The following FERMT2 variants were observed in gnomAD, a reference collection of about 807,000 sequenced individuals.
FERMT2 encodes the protein fermitin family homolog 2.
FERMT2 carries 15 observed loss-of-function variants against 82.7 expected under a neutral mutation model. The ratio of observed to expected loss-of-function variants is 0.18; its 90% CI spans 0.12 to 0.28. FERMT2 has a LOEUF of 0.28. Ranked by LOEUF, FERMT2 falls within the 10% of genes least tolerant of loss-of-function variation. FERMT2 has a pLI of 1.00. For synonymous variants in FERMT2, 274 were observed against 271.5 expected (o/e 1.01, Z -0.09); for missense variants, 645 against 809.4 (o/e 0.80, Z 2.46).
chr14:52,858,791 G>T (rs545019827), intron 14 of FERMT2: 166 of 399,418 alleles, frequency 4.2e-4, no homozygotes, highest in African/African-American at 3.1e-3. Flanking sequence ...GAATGCAAGG[G>T]TTTTAGGTCG....
chr14:52,884,900 G>A (rs980951967), intron 4 of FERMT2, among the ~76,000 whole-genome samples: 1 of 152,060 alleles, frequency 6.6e-6, no homozygotes, highest in East Asian at 1.9e-4. Flanking sequence ...TACTTGGGAG[G>A]CTGAGACAGG....
chr14:52,859,542 C>T (rs202196410), intron 14 of FERMT2, 31 bp downstream of exon 14: 122 of 1,560,316 alleles, frequency 7.8e-5, no homozygotes, highest in Non-Finnish European at 1.0e-4. Context: ...CAGAGAAGGA[C>T]TATATTCAAG....
chr14:52,948,788 T>A (rs2139720238), intron 2 of FERMT2, among the ~76,000 whole-genome samples: 1 of 152,340 alleles, frequency 6.6e-6, no homozygotes, highest in Admixed American at 6.5e-5. Context: ...ACAAGTTGTC[T>A]CAGTCACCTT....
chr14:52,895,860 C>T (rs1338839977), intron 3 of FERMT2, among the ~76,000 whole-genome samples: 2 of 152,086 alleles, frequency 1.3e-5, no homozygotes, highest in Non-Finnish European at 1.5e-5. Context: ...AGAAAAGCCG[C>T]AGAAAGGAGA....
rs371536389 is a variant in FERMT2 at position 52,950,273 on chromosome 14, T to G, written c.157+139A>C. ...GGAACAGGTCTATCTGCTTAAATAC[T>G]GAAAGATTTTACATCTCCAAAAAGC... On this transcript the variant is annotated intron_variant, in intron 2 of 14. Transcript: ENST00000341590. 4.9e-3 allele frequency: 3,957 copies of G among 809,492 alleles called. 20 individuals are homozygous for G. The highest frequency in any genetic ancestry group is 7.9e-3 in the Middle Eastern group (32 of 4,030). 50.1% of individuals were successfully genotyped at this position (809,492 alleles called of 1,614,324 possible). A position where few individuals can be genotyped will look rare whatever the true frequency, so the allele number is the denominator to read the frequency against.
At chr14:52,937,280 C>G (rs964215404) in intron 2 of FERMT2, among the ~76,000 whole-genome samples, 1 of 152,200 alleles carries the variant, frequency 6.6e-6, no homozygotes, top group Non-Finnish European at 1.5e-5. Context: ...AGTATAGTCT[C>G]TGGCATCCAA....
intron 2 of FERMT2, among the ~76,000 whole-genome samples, chr14:52,940,122 T>C (rs1284584430): frequency 6.6e-6 from 1 of 152,222 alleles, no homozygotes. Context: ...GATTCTAAAG[T>C]AGATGTCACC....
chr14:52,924,413 A>T (rs577167450), intron 2 of FERMT2, among the ~76,000 whole-genome samples: 1 of 82,476 alleles, frequency 1.2e-5, no homozygotes, highest in African/African-American at 3.8e-5. Context: ...GTTTGTGAAC[A>T]GCTGTCTGTA....
chr14:52,906,962 A>G (rs79042442), intron 3 of FERMT2, among the ~76,000 whole-genome samples: 1 of 123,022 alleles, frequency 8.1e-6, no homozygotes, highest in African/African-American at 3.0e-5. Flanking sequence ...GGGGGGGGGA[A>G]TTTAGAATTC....
intron 2 of FERMT2, among the ~76,000 whole-genome samples, chr14:52,935,104 T>C (rs2139683469): frequency 6.6e-6 from 1 of 152,354 alleles, no homozygotes; most frequent in South Asian, 2.1e-4. Context: ...TGAGCCATGT[T>C]GTTAGACAAT....
At chr14:52,914,570 G>A (rs1594986551) in intron 3 of FERMT2, among the ~76,000 whole-genome samples, 1 of 152,110 alleles carries the variant, frequency 6.6e-6, no homozygotes, top group Non-Finnish European at 1.5e-5. Context: ...GTATAAAAAT[G>A]GGAAAGGAAG....
At chr14:52,925,859 G>A (rs1289145805) in intron 2 of FERMT2, among the ~76,000 whole-genome samples, 5 of 152,100 alleles carry the variant, frequency 3.3e-5, no homozygotes, top group Non-Finnish European at 5.9e-5. Flanking sequence ...GGCCAGGCTG[G>A]TCTTGAATTC....
chr14:52,937,666 ATGTT>A (rs1889905462), intron 2 of FERMT2, among the ~76,000 whole-genome samples: 1 of 152,178 alleles, frequency 6.6e-6, no homozygotes, highest in Non-Finnish European at 1.5e-5. Flanking sequence ...CTCTCCGTAA[ATGTT>A]TGTTGCTGCT....
intron 10 of FERMT2, among the ~76,000 whole-genome samples, chr14:52,867,020 C>T (rs1415182432): frequency 2.0e-5 from 3 of 152,194 alleles, no homozygotes; most frequent in Non-Finnish European, 4.4e-5. Context: ...CCATCTTACA[C>T]CACAACCTAC....
intron 2 of FERMT2, among the ~76,000 whole-genome samples, chr14:52,948,028 C>T (rs1007323156): frequency 2.6e-5 from 4 of 152,180 alleles, no homozygotes; most frequent in African/African-American, 4.8e-5. Flanking sequence ...GCTCTGGTGT[C>T]TTCTGTTCAT....
At chr14:52,861,941 A>ATAAT (rs1485582054) in intron 12 of FERMT2, 1 of 152,192 alleles carries the variant, frequency 6.6e-6, no homozygotes, top group Non-Finnish European at 1.5e-5. Flanking sequence ...ATACAGCTTA[A>ATAAT]TAATTACTGA....
chr14:52,934,620 C>T (rs1048749497), intron 2 of FERMT2, among the ~76,000 whole-genome samples: 1 of 152,150 alleles, frequency 6.6e-6, no homozygotes, highest in Admixed American at 6.5e-5. Flanking sequence ...TGTCATACCA[C>T]TTGTATCATG....
intron 3 of FERMT2, among the ~76,000 whole-genome samples, chr14:52,918,507 T>A (rs1465728142): frequency 6.6e-6 from 1 of 152,208 alleles, no homozygotes; most frequent in Non-Finnish European, 1.5e-5. Flanking sequence ...ACTAAATGTA[T>A]CTTTAACCAA....
At chr14:52,891,883 C>A (rs1219749689) in intron 4 of FERMT2, among the ~76,000 whole-genome samples, 2 of 152,174 alleles carry the variant, frequency 1.3e-5, no homozygotes, top group African/African-American at 4.8e-5. Context: ...CAGACATCAC[C>A]TGCATGCCTG....
Sources: gnomAD v4.1 joint callset for allele counts (sites outside exome capture counted in the v4.1 genomes callset) on GRCh38, gnomAD v4.1.1 for gene constraint, MANE v1.5 for transcripts, NCBI Gene and HGNC (gene_info 2026-07-23, HGNC 2026-07-21) for gene names.